SLC35F1: variants seen among roughly 807,000 people sequenced by gnomAD.
The protein encoded by SLC35F1 is solute carrier family 35 member F1.
Under a neutral mutation model 48.7 loss-of-function variants are expected in SLC35F1, and 14 were observed. That is an observed-to-expected ratio of 0.29 (90% CI 0.19 to 0.45). The LOEUF (loss-of-function observed/expected upper bound fraction) is 0.45. Ranked by LOEUF, SLC35F1 falls within the 20% of genes least tolerant of loss-of-function variation. SLC35F1 has a pLI of 1.00. For missense variants in SLC35F1, 404 were observed against 500.0 expected, an observed-to-expected ratio of 0.81 and a Z score of 1.83; for synonymous variants, 190 against 202.2, an observed-to-expected ratio of 0.94 and a Z score of 0.51.
chr6:118,072,319 C>T (rs1442180244), intron 1 of SLC35F1, among the ~76,000 whole-genome samples: 2 of 152,130 alleles, frequency 1.3e-5, no homozygotes, highest in Admixed American at 1.3e-4. Flanking sequence ...AATCCCAGCA[C>T]TTTGGGAGGC....
chr6:118,302,241 A>G (rs2114661095), intron 7 of SLC35F1, among the ~76,000 whole-genome samples: 1 of 152,242 alleles, frequency 6.6e-6, no homozygotes, highest in Non-Finnish European at 1.5e-5. Flanking sequence ...CTGAGCTAAG[A>G]TGTGTGAGAG....
At chr6:118,228,824 G>A (rs1176063879) in intron 2 of SLC35F1, among the ~76,000 whole-genome samples, 2 of 152,120 alleles carry the variant, frequency 1.3e-5, no homozygotes, top group Non-Finnish European at 2.9e-5. Flanking sequence ...CTGTGCAGGA[G>A]CATCACTCTT....
chr6:118,315,938 A>T lies in SLC35F1; in HGVS notation c.*1686A>T, dbSNP rs1361037767. 6.6e-6 allele frequency: 1 copy of T among 152,228 alleles called. No individual in the cohort carries two copies. Among genetic ancestry groups the T allele is most frequent in the Non-Finnish European group, 1.5e-5 (1 of 68,042 alleles). The allele number at this position is 152,228 out of a possible 1,614,324, so 9.4% of individuals were successfully genotyped here. ...GTACTCTTTTAGTTTGACTGACTTC[A>T]ATACCATTCAAAAAGATCCTCAATG... is the stretch of plus-strand genomic sequence containing the variant. On this transcript the variant is annotated 3_prime_UTR_variant, in exon 8 of 8. Coordinates refer to ENST00000360388, the MANE Select transcript of SLC35F1 (RefSeq NM_001029858.4).
At chr6:118,227,032 T>C (rs1275677117) in intron 2 of SLC35F1, among the ~76,000 whole-genome samples, 2 of 152,186 alleles carry the variant, frequency 1.3e-5, no homozygotes, top group African/African-American at 4.8e-5. Flanking sequence ...GTGCACACCA[T>C]GGGTGGAATA....
chr6:118,117,200 C>T (rs1009000525), intron 1 of SLC35F1, among the ~76,000 whole-genome samples: 1 of 152,180 alleles, frequency 6.6e-6, no homozygotes, highest in Non-Finnish European at 1.5e-5. Context: ...CGTACCAACA[C>T]CCCTATTTGC....
chr6:117,959,762 A>G (rs866666805), intron 1 of SLC35F1, among the ~76,000 whole-genome samples: 12 of 152,160 alleles, frequency 7.9e-5, no homozygotes, highest in African/African-American at 2.4e-4. Context: ...AATACCTGAC[A>G]TATATAAATG....
At chr6:118,066,127 G>A (rs1012976208) in intron 1 of SLC35F1, among the ~76,000 whole-genome samples, 4 of 151,996 alleles carry the variant, frequency 2.6e-5, no homozygotes, top group African/African-American at 7.2e-5. Context: ...AGAGAGTCAC[G>A]GACATTGCAA....
intron 1 of SLC35F1, among the ~76,000 whole-genome samples, chr6:117,963,821 C>T (rs1444215008): frequency 1.5e-5 from 2 of 129,820 alleles, no homozygotes; most frequent in Admixed American, 1.6e-4. Context: ...ATTTTAAGTT[C>T]TGGGATACAT....
At chr6:118,242,571 G>A (rs943595564) in intron 3 of SLC35F1, among the ~76,000 whole-genome samples, 7 of 152,166 alleles carry the variant, frequency 4.6e-5, no homozygotes, top group Admixed American at 1.3e-4. Flanking sequence ...CTTGACTTGT[G>A]GAGGATGAAT....
intron 2 of SLC35F1, among the ~76,000 whole-genome samples, chr6:118,234,828 A>G (rs1458116931): frequency 6.6e-6 from 1 of 152,202 alleles, no homozygotes; most frequent in African/African-American, 2.4e-5. Flanking sequence ...CCTGAAATAT[A>G]TGTAAAAATA....
chr6:118,106,799 A>G (rs1773332996), intron 1 of SLC35F1, among the ~76,000 whole-genome samples: 1 of 152,144 alleles, frequency 6.6e-6, no homozygotes, highest in Non-Finnish European at 1.5e-5. Flanking sequence ...TCTGGCTTTC[A>G]CAATCACTGG....
intron 2 of SLC35F1, among the ~76,000 whole-genome samples, chr6:118,231,732 G>A (rs1775295113): frequency 6.6e-6 from 1 of 152,184 alleles, no homozygotes; most frequent in Non-Finnish European, 1.5e-5. Flanking sequence ...CTTTGAATAT[G>A]TTATTGATTG....
chr6:118,134,543 C>T (rs1465517826), intron 1 of SLC35F1, among the ~76,000 whole-genome samples: 1 of 152,168 alleles, frequency 6.6e-6, no homozygotes, highest in Admixed American at 6.5e-5. Flanking sequence ...AGAATAACAC[C>T]ATGCAATAGG....
chr6:118,256,293 A>G (rs281863), intron 3 of SLC35F1, among the ~76,000 whole-genome samples: 9,733 of 151,106 alleles, frequency 0.064, 561 homozygotes, highest in African/African-American at 0.15. Context: ...CCCTGTTAAC[A>G]CTTCAGTTTT....
intron 2 of SLC35F1, among the ~76,000 whole-genome samples, chr6:118,170,159 A>G (rs927880869): frequency 1.3e-5 from 2 of 152,230 alleles, no homozygotes; most frequent in African/African-American, 4.8e-5. Flanking sequence ...TTTTTGCTAA[A>G]CTCAAAGAAC....
At chr6:118,054,297 C>T (rs1174125258) in intron 1 of SLC35F1, among the ~76,000 whole-genome samples, 1 of 152,086 alleles carries the variant, frequency 6.6e-6, no homozygotes, top group South Asian at 2.1e-4. Flanking sequence ...ATTTATTTGG[C>T]TGGGGTGAGA....
At chr6:118,179,464 G>T (rs909125518) in intron 2 of SLC35F1, among the ~76,000 whole-genome samples, 4 of 152,046 alleles carry the variant, frequency 2.6e-5, no homozygotes, top group Admixed American at 1.3e-4. Context: ...TTCTGTCTGG[G>T]CTCTCAGCAG....
chr6:118,041,679 C>T (rs1289378091), intron 1 of SLC35F1, among the ~76,000 whole-genome samples: 1 of 152,134 alleles, frequency 6.6e-6, no homozygotes, highest in Non-Finnish European at 1.5e-5. Flanking sequence ...GCCCCTTTGA[C>T]AGATCATATT....
chr6:117,970,429 TTCTC>T (rs1230582122), intron 1 of SLC35F1, among the ~76,000 whole-genome samples: 1 of 152,180 alleles, frequency 6.6e-6, no homozygotes. Flanking sequence ...GACCTTGAAT[TTCTC>T]TATCTACTTT....
Sources: allele counts gnomAD v4.1 joint callset (sites outside exome capture counted in the v4.1 genomes callset), GRCh38; gene constraint gnomAD v4.1.1; transcripts MANE v1.5; gene names NCBI Gene and HGNC (gene_info 2026-07-23, HGNC 2026-07-21).